RAPGEF5: variants seen among roughly 807,000 people sequenced by gnomAD.
The protein encoded by RAPGEF5 is Rap guanine nucleotide exchange factor 5.
In RAPGEF5, 65 loss-of-function variants were observed where a neutral mutation model predicts 125.2. The observed-to-expected ratio is 0.52, with a 90% CI of 0.43 to 0.64. RAPGEF5 has a LOEUF of 0.64. Ranked by LOEUF, RAPGEF5 falls within the 30% of genes least tolerant of loss-of-function variation. RAPGEF5 has a pLI of 0.00. For synonymous variants in RAPGEF5, 391 were observed against 385.9 expected, an observed-to-expected ratio of 1.01 and a Z score of -0.16; for missense variants, 958 against 1,048.1, an observed-to-expected ratio of 0.91 and a Z score of 1.19.
chr7:22,269,316 TTTTG>T (rs1329187374), intron 6 of RAPGEF5, among the ~76,000 whole-genome samples: 8 of 152,152 alleles, frequency 5.3e-5, no homozygotes, highest in Non-Finnish European at 1.2e-4. Context: ...CACAGTTCTT[TTTTG>T]TTTTTTTAAA....
chr7:22,154,751 TA>T (rs1783751139), intron 16 of RAPGEF5, 147 bp from the exon 17 acceptor site: 6 of 773,182 alleles, frequency 7.8e-6, no homozygotes, highest in Non-Finnish European at 1.2e-5. Flanking sequence ...TTAGATTTTT[TA>T]TATATGTACA....
intron 7 of RAPGEF5, among the ~76,000 whole-genome samples, chr7:22,241,406 C>G (rs1786327857): frequency 6.6e-6 from 1 of 152,012 alleles, no homozygotes; most frequent in African/African-American, 2.4e-5. Context: ...ATAGAGGGGG[C>G]AGGGGCAGTC....
intron 1 of RAPGEF5, among the ~76,000 whole-genome samples, chr7:22,342,702 CA>C (rs1481863346): frequency 9.8e-5 from 15 of 152,320 alleles, no homozygotes; most frequent in African/African-American, 1.4e-4. Flanking sequence ...ATCTCTAGGA[CA>C]GGGGCAAAAT....
intron 9 of RAPGEF5, among the ~76,000 whole-genome samples, chr7:22,218,430 G>A (rs1385938357): frequency 6.6e-6 from 1 of 152,036 alleles, no homozygotes; most frequent in East Asian, 1.9e-4. Flanking sequence ...CTTGCAATCA[G>A]TTGTAAGATA....
intron 6 of RAPGEF5, among the ~76,000 whole-genome samples, chr7:22,267,942 G>A (rs1272959960): frequency 6.6e-6 from 1 of 152,010 alleles, no homozygotes; most frequent in Non-Finnish European, 1.5e-5. Flanking sequence ...GGAGTTCAAG[G>A]TTAAATTGCA....
At chr7:22,336,787 T>C (rs1784034792) in intron 1 of RAPGEF5, among the ~76,000 whole-genome samples, 2 of 152,176 alleles carry the variant, frequency 1.3e-5, no homozygotes, top group Admixed American at 6.5e-5. Context: ...CTGTTTCCCT[T>C]TTCACCCAAT....
In RAPGEF5 at chr7:22,338,570, G is replaced by A. The variant is rs564620700; in HGVS notation, c.231+18260C>T. 6.6e-5 allele frequency among the ~76,000 whole-genome samples: 10 copies of A among 152,288 alleles called. No individual in the cohort carries two copies. The South Asian group carries it at 8.3e-4, about 13-fold the overall frequency. On this transcript the variant is annotated intron_variant, in intron 1 of 25. Transcript: ENST00000665637. ...TGTATTCTCAACGTCTAATGGCTGA[G>A]GTAGACATTCCTAACATTTGTGCTT...
intron 7 of RAPGEF5, among the ~76,000 whole-genome samples, chr7:22,245,228 T>G (rs193206493): frequency 1.3e-5 from 2 of 152,244 alleles, no homozygotes; most frequent in African/African-American, 4.8e-5. Context: ...ATCAAATGTG[T>G]GGTTTATAAA....
chr7:22,334,533 A>G (rs78878980), intron 1 of RAPGEF5, among the ~76,000 whole-genome samples: 12,188 of 152,278 alleles, frequency 0.08, 616 homozygotes, highest in South Asian at 0.17. Context: ...AGGCAAGCAA[A>G]GAAGAGATTG....
chr7:22,233,565 C>T (rs1049278379), intron 7 of RAPGEF5, among the ~76,000 whole-genome samples: 6 of 152,102 alleles, frequency 3.9e-5, no homozygotes, highest in Non-Finnish European at 8.8e-5. Flanking sequence ...CAGGGTCTCC[C>T]TCTGTCACCC....
At position 22,325,743 on chromosome 7, in the gene RAPGEF5, T is replaced by C. The variant is rs559439932; in HGVS notation, c.232-7706A>G. Among the ~76,000 whole-genome samples, 26 of 152,248 alleles carry C rather than the reference T, an allele frequency of 1.7e-4. No homozygotes were observed. In the South Asian group the frequency reaches 5.4e-3, roughly 32 times the overall value. On this transcript the variant is annotated intron_variant, in intron 1 of 25. Coordinates refer to ENST00000665637, the MANE Select transcript of RAPGEF5 (RefSeq NM_012294.5). ...CCATGCCTGGCTAATTTTTTATTTT[T>C]AGTAGAGACGACGTCTCACTATGTT...
intron 2 of RAPGEF5, among the ~76,000 whole-genome samples, chr7:22,316,966 TA>T (rs1783613646): frequency 6.8e-6 from 1 of 147,198 alleles, no homozygotes. Context: ...TTTAACATGT[TA>T]AAACTATTTA....
chr7:22,280,570 G>A (rs1274007074), intron 6 of RAPGEF5, among the ~76,000 whole-genome samples: 3 of 152,162 alleles, frequency 2.0e-5, no homozygotes, highest in Non-Finnish European at 4.4e-5. Context: ...GATTCACCCA[G>A]GAGTGGGAAT....
chr7:22,266,416 G>C (rs1292455616), intron 7 of RAPGEF5, among the ~76,000 whole-genome samples: 1 of 152,016 alleles, frequency 6.6e-6, no homozygotes, highest in Admixed American at 6.6e-5. Flanking sequence ...AAATGTATTT[G>C]AAAGCCCCCT....
chr7:22,280,943 T>G (rs889486660), intron 6 of RAPGEF5, among the ~76,000 whole-genome samples: 3 of 152,158 alleles, frequency 2.0e-5, no homozygotes, highest in Non-Finnish European at 4.4e-5. Flanking sequence ...AATTCAAAAT[T>G]TAGTGAAGAA....
intron 6 of RAPGEF5, among the ~76,000 whole-genome samples, chr7:22,288,624 A>G (rs1002865806): frequency 6.6e-6 from 1 of 151,080 alleles, no homozygotes; most frequent in East Asian, 1.9e-4. Context: ...CCAGGTTCAC[A>G]CCATTCTCCT....
chr7:22,127,107 C>T (rs980478191), intron 24 of RAPGEF5, among the ~76,000 whole-genome samples: 1 of 141,394 alleles, frequency 7.1e-6, no homozygotes, highest in East Asian at 2.2e-4. Context: ...GGCGTGATCT[C>T]GGCTCACTGC....
intron 8 of RAPGEF5, among the ~76,000 whole-genome samples, chr7:22,227,676 C>CA (rs1267735063): frequency 3.3e-5 from 5 of 151,852 alleles, no homozygotes; most frequent in South Asian, 4.2e-4. Context: ...CACATCTCTA[C>CA]AAAAAAATAC....
chr7:22,293,858 T>A (rs1211020324), intron 5 of RAPGEF5, among the ~76,000 whole-genome samples: 1 of 152,196 alleles, frequency 6.6e-6, no homozygotes, highest in Non-Finnish European at 1.5e-5. Flanking sequence ...GGTCACTTTT[T>A]ACCTTAAACC....
Sources: allele counts gnomAD v4.1 joint callset (sites outside exome capture counted in the v4.1 genomes callset), GRCh38; gene constraint gnomAD v4.1.1; transcripts MANE v1.5; gene names NCBI Gene and HGNC (gene_info 2026-07-23, HGNC 2026-07-21).